The following TTLL5 variants were observed in gnomAD, a reference collection of about 807,000 sequenced individuals.
The protein encoded by TTLL5 is tubulin polyglutamylase TTLL5.
A neutral mutation model predicts 168.4 loss-of-function variants in TTLL5; 132 were observed. That is an observed-to-expected ratio of 0.78 (90% CI 0.68 to 0.91). The LOEUF is 0.91. Ranked by LOEUF, TTLL5 falls within the 40% of genes least tolerant of loss-of-function variation. The pLI, the probability that TTLL5 is intolerant of heterozygous loss-of-function variation, is 0.00. For synonymous variants in TTLL5, 546 were observed against 558.6 expected (o/e 0.98, Z 0.32); for missense variants, 1,545 against 1,581.5 (o/e 0.98, Z 0.39).
intron 29 of TTLL5, among the ~76,000 whole-genome samples, chr14:75,864,796 T>C (rs994810725): frequency 6.6e-6 from 1 of 152,214 alleles, no homozygotes; most frequent in Non-Finnish European, 1.5e-5. Flanking sequence ...TTTTTTCTTA[T>C]AAAAATGTAG....
At chr14:75,841,882 T>C (rs1241646147) in intron 28 of TTLL5, among the ~76,000 whole-genome samples, 1 of 152,222 alleles carries the variant, frequency 6.6e-6, no homozygotes, top group Non-Finnish European at 1.5e-5. Context: ...TATTTTTTCA[T>C]GTATTTTTCT....
At chr14:75,709,040 G>A (rs1026762870) in intron 9 of TTLL5, 30 of 628,966 alleles carry the variant, frequency 4.8e-5, no homozygotes, top group Non-Finnish European at 8.0e-5. Flanking sequence ...ATTCAAAGCT[G>A]TCCTGGGCTG....
In TTLL5 at chr14:75,835,156, G is replaced by A. The variant is rs371187997; in HGVS notation, c.3326+14995G>A. ...CTAGCACTCAGCTGGCCAAAAACCT[G>A]CTATGGCAGCAGTTGTCATTCTTCA... On this transcript the variant is annotated intron_variant, in intron 28 of 31. Transcript: ENST00000298832. Among the ~76,000 whole-genome samples, 107 of 152,318 alleles carry A rather than the reference G, an allele frequency of 7.0e-4. 1 individual carries two copies. Among genetic ancestry groups the A allele is most frequent in the Non-Finnish European group, 5.1e-4 (35 of 68,026 alleles).
intron 21 of TTLL5, among the ~76,000 whole-genome samples, chr14:75,773,954 AGAAAGAGAGAGAGAGAGAG>A (rs1891532490): frequency 7.5e-5 from 3 of 39,762 alleles, no homozygotes; most frequent in African/African-American, 2.2e-4. Context: ...AGAGAGAGAG[AGAAAGAGAGAGAGAGAGAG>A]AGAGAGAGAG....
rs1247893554 is a variant in TTLL5 at position 75,783,530 on chromosome 14, G to A, written c.2986G>A (p.Gly996Arg). 6.2e-7 allele frequency: 1 copy of A among 1,612,150 alleles called. No individual in the cohort carries two copies. The highest frequency in any genetic ancestry group is 8.5e-7 in the Non-Finnish European group (1 of 1,178,448). The change falls in exon 26 of 32, where the codon GGA becomes AGA. Residue 996 changes from glycine (G) to arginine (R), a missense_variant and splice_region_variant. Physicochemically the swap from Gly to Arg is moderately radical, Grantham distance 125 (BLOSUM62 -2). Transcript: ENST00000298832. Reference protein sequence around the residue: ...KLSRPSSAKAGSCYLNKHHSG... With the variant: ...KLSRPSSAKARSCYLNKHHSG... Reference sequence around the variant, plus strand: ...GTCTCGTCCCTCTTCAGCAAAGGCAGGTGAGTGAGAGAACGAAAGACAGTC... The same window carrying A: ...GTCTCGTCCCTCTTCAGCAAAGGCAAGTGAGTGAGAGAACGAAAGACAGTC...
At chr14:75,934,563 A>G (rs746009535) in intron 31 of TTLL5, among the ~76,000 whole-genome samples, 3 of 152,194 alleles carry the variant, frequency 2.0e-5, no homozygotes, top group Non-Finnish European at 4.4e-5. Flanking sequence ...AAAAGGTATT[A>G]TCAATAAATG....
intron 28 of TTLL5, among the ~76,000 whole-genome samples, chr14:75,842,881 G>A (rs1019693241): frequency 6.6e-6 from 1 of 152,096 alleles, no homozygotes; most frequent in Non-Finnish European, 1.5e-5. Context: ...TCCATACCTG[G>A]ACACTTCCTT....
chr14:75,786,247 C>G (rs1246594018), intron 26 of TTLL5, among the ~76,000 whole-genome samples: 1 of 152,064 alleles, frequency 6.6e-6, no homozygotes, highest in East Asian at 1.9e-4. Flanking sequence ...CTAGTTTGAA[C>G]TATTTTTTCC....
At chr14:75,749,559 C>T (rs1889821817) in intron 17 of TTLL5, among the ~76,000 whole-genome samples, 1 of 70,718 alleles carries the variant, frequency 1.4e-5, no homozygotes, top group African/African-American at 4.2e-5. Context: ...AGTGCTGACC[C>T]TATAGGAGCA....
At chr14:75,740,371 C>T (rs1889178078) in intron 15 of TTLL5, among the ~76,000 whole-genome samples, 2 of 152,098 alleles carry the variant, frequency 1.3e-5, no homozygotes, top group South Asian at 4.1e-4. Context: ...GTTTACCAGG[C>T]AGTAACCACC....
At chr14:75,785,130 A>T (rs1892286104) in intron 26 of TTLL5, among the ~76,000 whole-genome samples, 1 of 143,940 alleles carries the variant, frequency 6.9e-6, no homozygotes, top group South Asian at 2.2e-4. Flanking sequence ...TTTTGGTATC[A>T]TGTCTGGAAT....
rs1275139315 is a variant in TTLL5 at position 75,826,847 on chromosome 14, CCAT to C, written c.3326+6687_3326+6689del. ...ACTCATGTAGAAGAACATTGATGATCCATATTTAAAGCTTACCTAGTATTGACT... is the reference window on the plus strand; with the variant it reads ...ACTCATGTAGAAGAACATTGATGATCATTTAAAGCTTACCTAGTATTGACT... On this transcript the variant is annotated intron_variant, in intron 28 of 31. Coordinates refer to ENST00000298832, the MANE Select transcript of TTLL5 (RefSeq NM_015072.5). Among the ~76,000 whole-genome samples the C allele has an allele frequency of 2.0e-5, 3 of 152,096 alleles. No homozygotes were observed. The East Asian group carries it at 5.8e-4, about 29-fold the overall frequency.
intron 29 of TTLL5, among the ~76,000 whole-genome samples, chr14:75,879,827 C>A (rs917043442): frequency 4.6e-5 from 7 of 152,188 alleles, no homozygotes; most frequent in African/African-American, 1.7e-4. Context: ...CCTTCTTTAG[C>A]CCAATCTAAT....
intron 6 of TTLL5, among the ~76,000 whole-genome samples, chr14:75,692,732 A>T (rs1885550859): frequency 6.6e-6 from 1 of 152,176 alleles, no homozygotes; most frequent in Non-Finnish European, 1.5e-5. Flanking sequence ...TTTGAGTCTG[A>T]GTAGCTAGGA....
intron 28 of TTLL5, among the ~76,000 whole-genome samples, chr14:75,828,785 A>G (rs539903738): frequency 6.6e-6 from 1 of 152,362 alleles, no homozygotes; most frequent in South Asian, 2.1e-4. Context: ...AGCTTCAAAA[A>G]GAGTTTTGTT....
chr14:75,813,339 T>C (rs1894184970), intron 27 of TTLL5, among the ~76,000 whole-genome samples: 1 of 151,072 alleles, frequency 6.6e-6, no homozygotes, highest in Admixed American at 6.6e-5. Flanking sequence ...TCTTGCTCTA[T>C]TATCCAGGCT....
At chr14:75,908,450 C>T (rs1449721200) in intron 31 of TTLL5, among the ~76,000 whole-genome samples, 1 of 152,228 alleles carries the variant, frequency 6.6e-6, no homozygotes, top group Admixed American at 6.5e-5. Flanking sequence ...GTCCCTTCAA[C>T]CATAATCACG....
chr14:75,696,221 A>G (rs1193389478), intron 6 of TTLL5, among the ~76,000 whole-genome samples: 1 of 152,116 alleles, frequency 6.6e-6, no homozygotes, highest in Non-Finnish European at 1.5e-5. Context: ...ACATTTCTGT[A>G]GAACCTTGTA....
In TTLL5 at chr14:75,728,674, TATCATC is replaced by T. The variant is rs10679821; in HGVS notation, c.1043-3651_1043-3646del. On this transcript the variant is annotated intron_variant, in intron 12 of 31. Coordinates refer to ENST00000298832, the MANE Select transcript of TTLL5 (RefSeq NM_015072.5). ...TTGGCTAAAGATGTGATTTGAATAT[TATCATC>T]ATCATCATCATCGTCATATTAATTG... is the stretch of plus-strand genomic sequence containing the variant. 3.3e-5 allele frequency among the ~76,000 whole-genome samples: 5 copies of T among 150,984 alleles called. No homozygotes were observed. The East Asian group carries it at 7.8e-4, about 24-fold the overall frequency.
Sources: gnomAD v4.1 joint callset for allele counts (sites outside exome capture counted in the v4.1 genomes callset) on GRCh38, gnomAD v4.1.1 for gene constraint, MANE v1.5 for transcripts, NCBI Gene and HGNC (gene_info 2026-07-23, HGNC 2026-07-21) for gene names.